Variants in LYRM4 observed in about 807,000 individuals in gnomAD.
LYRM4 encodes the protein LYR motif containing 4.
Under a neutral mutation model 11.7 loss-of-function variants are expected in LYRM4, and 9 were observed. The ratio of observed to expected loss-of-function variants is 0.77; its 90% CI spans 0.46 to 1.34. The LOEUF (loss-of-function observed/expected upper bound fraction) is 1.34, where lower values mean the gene tolerates loss of function less well. Ranked by LOEUF, LYRM4 falls within the 40% of genes most tolerant of loss-of-function variation. LYRM4 has a pLI of 0.00. For missense variants in LYRM4, 133 were observed against 112.5 expected, an observed-to-expected ratio of 1.18 and a Z score of -0.82; for synonymous variants, 42 against 40.4, an observed-to-expected ratio of 1.04 and a Z score of -0.15.
chr6:5,043,911 T>G, the LYRM4 span, among the ~76,000 whole-genome samples: 1 of 152,152 alleles, frequency 6.6e-6, no homozygotes, highest in African/African-American at 2.4e-5. Flanking sequence ...TCTGTTTACT[T>G]TGCCTTCCTG....
chr6:5,216,351 T>G (rs1429758609), intron 2 of LYRM4, among the ~76,000 whole-genome samples: 3 of 152,176 alleles, frequency 2.0e-5, no homozygotes, highest in African/African-American at 7.2e-5. Flanking sequence ...TTCAAAAAAA[T>G]TAATGCAGAA....
At chr6:5,204,105 A>C (rs1561868729) in intron 2 of LYRM4, among the ~76,000 whole-genome samples, 1 of 152,154 alleles carries the variant, frequency 6.6e-6, no homozygotes, top group Non-Finnish European at 1.5e-5. Flanking sequence ...CATTTGCCTA[A>C]ACTCATAAAG....
At chr6:5,089,822 C>T in the LYRM4 span, among the ~76,000 whole-genome samples, 49,003 of 152,046 alleles carry the variant, frequency 0.32, 10,863 homozygotes, top group African/African-American at 0.64. Flanking sequence ...AGCATTAGCA[C>T]TGGCAATCTT....
chr6:5,255,618 A>G (rs1764629723), intron 1 of LYRM4, among the ~76,000 whole-genome samples: 1 of 152,146 alleles, frequency 6.6e-6, no homozygotes, highest in South Asian at 2.1e-4. Context: ...CACATTCTTA[A>G]ACTTTGTCTT....
chr6:5,133,495 T>C (rs976383675), intron 2 of LYRM4, among the ~76,000 whole-genome samples: 4 of 152,214 alleles, frequency 2.6e-5, no homozygotes, highest in African/African-American at 9.6e-5. Flanking sequence ...ACCTTGCGTG[T>C]ACACTGGCAT....
intron 2 of LYRM4, among the ~76,000 whole-genome samples, chr6:5,193,664 C>T (rs1473974243): frequency 6.6e-6 from 1 of 152,176 alleles, no homozygotes; most frequent in Non-Finnish European, 1.5e-5. Flanking sequence ...TCTAAGTTAT[C>T]AAGAGACCAT....
the LYRM4 span, among the ~76,000 whole-genome samples, chr6:5,035,127 A>G: frequency 6.6e-6 from 1 of 152,052 alleles, no homozygotes; most frequent in Non-Finnish European, 1.5e-5. Context: ...ACAGAACCCA[A>G]CCCATGCTTT....
At chr6:5,122,569 C>A (rs1225388721) in intron 2 of LYRM4, among the ~76,000 whole-genome samples, 2 of 152,132 alleles carry the variant, frequency 1.3e-5, no homozygotes, top group African/African-American at 4.8e-5. Flanking sequence ...CAGGAATGAA[C>A]AACATCCCTT....
chr6:5,260,446 A>T (rs1764976734), intron 1 of LYRM4, among the ~76,000 whole-genome samples: 1 of 152,254 alleles, frequency 6.6e-6, no homozygotes, highest in African/African-American at 2.4e-5. Flanking sequence ...CCCCTGGTAG[A>T]AAGAAAGGCT....
At chr6:5,161,433 C>T (rs563656048) in intron 2 of LYRM4, among the ~76,000 whole-genome samples, 5 of 152,268 alleles carry the variant, frequency 3.3e-5, no homozygotes, top group African/African-American at 1.2e-4. Flanking sequence ...ATATGACAAC[C>T]TTAAATAGTT....
intron 2 of LYRM4, among the ~76,000 whole-genome samples, chr6:5,116,613 C>T (rs1763129909): frequency 6.6e-6 from 1 of 152,192 alleles, no homozygotes; most frequent in Non-Finnish European, 1.5e-5. Context: ...AAGTTACAGT[C>T]CCTCCAGAAT....
chr6:5,099,791 G>A (rs1019641238), downstream of LYRM4, among the ~76,000 whole-genome samples: 2 of 152,148 alleles, frequency 1.3e-5, no homozygotes, highest in Admixed American at 6.5e-5. The surrounding 1 kb of genome is among the most constrained non-coding windows in gnomAD (Gnocchi z 4.3). Flanking sequence ...GAAAGGTTGA[G>A]TCATGTGCCA....
At chr6:5,120,862 A>T (rs1763422419) in intron 2 of LYRM4, among the ~76,000 whole-genome samples, 1 of 152,158 alleles carries the variant, frequency 6.6e-6, no homozygotes. Flanking sequence ...ATCCTCTTGT[A>T]AGACAGAAAA....
intron 2 of LYRM4, among the ~76,000 whole-genome samples, chr6:5,123,971 G>A (rs902958743): frequency 1.3e-5 from 2 of 152,222 alleles, no homozygotes; most frequent in African/African-American, 4.8e-5. Context: ...CTGGGGTCTG[G>A]GAGGTGGGGA....
intron 2 of LYRM4, among the ~76,000 whole-genome samples, chr6:5,143,592 G>A (rs543451341): frequency 1.3e-5 from 2 of 152,326 alleles, no homozygotes; most frequent in South Asian, 4.2e-4. Context: ...AAGCCAGGAG[G>A]AAGAAATCGG....
In LYRM4 at chr6:5,211,894, C is replaced by T. The variant is rs74690608; in HGVS notation, c.207+4724G>A. ...GGGAATCTCATTAGAATCCAGAAAC[C>T]CAGTTCTGGCAACTTCTCTGGTGCT... On this transcript the variant is annotated intron_variant, in intron 2 of 2. Coordinates refer to ENST00000330636, the MANE Select transcript of LYRM4 (RefSeq NM_020408.6). 6.0e-3 allele frequency among the ~76,000 whole-genome samples: 916 copies of T among 152,240 alleles called. 11 individuals are homozygous for T. Among genetic ancestry groups the T allele is most frequent in the South Asian group, 0.043 (209 of 4,822 alleles).
intron 2 of LYRM4, among the ~76,000 whole-genome samples, chr6:5,207,328 C>A (rs142354731): frequency 2.7e-5 from 4 of 148,524 alleles, no homozygotes; most frequent in African/African-American, 1.0e-4. Flanking sequence ...GAGTGCACAC[C>A]CTCATATACA....
the LYRM4 span, chr6:5,089,407 G>T: frequency 9.9e-5 from 15 of 152,238 alleles, no homozygotes; most frequent in African/African-American, 2.9e-4. Context: ...ATGCTTGTTT[G>T]TGGGGCAATA....
the LYRM4 span, among the ~76,000 whole-genome samples, chr6:5,050,199 G>C: frequency 6.6e-6 from 1 of 152,220 alleles, no homozygotes; most frequent in Non-Finnish European, 1.5e-5. Context: ...GGGAAGACTT[G>C]GGTGGTAAAT....
Sources: gnomAD v4.1 joint callset for allele counts (sites outside exome capture counted in the v4.1 genomes callset) on GRCh38, gnomAD v4.1.1 for gene constraint, Gnocchi (gnomAD v3.1) non-coding constraint, MANE v1.5 for transcripts, NCBI Gene and HGNC (gene_info 2026-07-23, HGNC 2026-07-21) for gene names.